NTSR1: variants seen among roughly 807,000 people sequenced by gnomAD.
The protein encoded by NTSR1 is neurotensin receptor 1, also known as neurotensin receptor type 1.
NTSR1 carries 29 observed loss-of-function variants against 31.2 expected under a neutral mutation model. The ratio of observed to expected loss-of-function variants is 0.93; its 90% CI spans 0.69 to 1.27. The LOEUF (loss-of-function observed/expected upper bound fraction) is 1.27. NTSR1 is among the 50% of genes most tolerant of loss of function. NTSR1 has a pLI of 0.00. For missense variants in NTSR1, 697 were observed against 595.4 expected (o/e 1.17, Z -1.78); for synonymous variants, 282 against 269.9 (o/e 1.04, Z -0.44).
rs1989456584 is a variant in NTSR1 at position 62,754,867 on chromosome 20, G to T, written c.897G>T (p.Arg299=). 6.2e-7 allele frequency: 1 copy of T among 1,602,590 alleles called. No homozygotes were observed. The highest frequency in any genetic ancestry group is 8.5e-7 in the Non-Finnish European group (1 of 1,178,296). Residue 299 remains arginine, a synonymous_variant, in exon 2 of 4, where the codon CGG becomes CGT. Transcript: ENST00000370501. ...AIEPGRVQAL[R]HGVRVLRAVV... is the part of the protein sequence containing the mutation. ...AGCCTGGCAGGGTCCAGGCCCTGCG[G>T]CACGGCGTGCGCGTCCTACGTACGT...
intron 1 of NTSR1, among the ~76,000 whole-genome samples, chr20:62,716,769 C>A (rs1024883300): frequency 6.6e-6 from 1 of 152,226 alleles, no homozygotes; most frequent in Admixed American, 6.5e-5. Flanking sequence ...CCCATCCCGG[C>A]AGCCCCTCGC....
chr20:62,713,067 G>A (rs976539215), intron 1 of NTSR1, among the ~76,000 whole-genome samples: 8 of 152,096 alleles, frequency 5.3e-5, no homozygotes, highest in African/African-American at 1.2e-4. Context: ...TTAGAGACCC[G>A]CCCCTGACTA....
chr20:62,760,417 C>T lies in NTSR1; in HGVS notation c.*150C>T. 1 of 757,448 alleles carries T rather than the reference C, an allele frequency of 1.3e-6. No individual in the cohort carries two copies. Among genetic ancestry groups the T allele is most frequent in the Non-Finnish European group, 2.1e-6 (1 of 485,512 alleles). The allele number at this position is 757,448 out of a possible 1,614,324, so 46.9% of individuals were successfully genotyped here. On this transcript the variant is annotated 3_prime_UTR_variant, in exon 4 of 4. Transcript: ENST00000370501. The stretch of plus-strand genomic sequence containing the variant: ...GAGGCCTGGGACCCCCCCCTCCCAC[C>T]CCCTAACCCATGTTTCTCATTAGTG...
intron 1 of NTSR1, among the ~76,000 whole-genome samples, chr20:62,747,557 T>C (rs1266804049): frequency 2.0e-5 from 3 of 151,140 alleles, no homozygotes; most frequent in Non-Finnish European, 4.4e-5. Context: ...AACACCACAC[T>C]CAGTGATAAG....
Position 62,709,723 on chromosome 20 carries a change from C to A in NTSR1, c.516C>A (p.His172Gln), listed in dbSNP as rs1384772521. 6.2e-7 allele frequency: 1 copy of A among 1,612,980 alleles called. No individual in the cohort carries two copies. Among genetic ancestry groups the A allele is most frequent in the Non-Finnish European group, 8.5e-7 (1 of 1,179,918 alleles). Residue 172 changes from histidine (H) to glutamine (Q), a missense_variant, in exon 1 of 4, where the codon CAC becomes CAA. Physicochemically the swap from His to Gln is conservative, Grantham distance 24 (BLOSUM62 0). Transcript: ENST00000370501. The stretch of plus-strand genomic sequence containing the variant: ...TGGAGCGCTACCTGGCCATCTGCCA[C>A]CCCTTCAAGGCCAAGACCCTCATGT... ...LSVERYLAIC[H>Q]PFKAKTLMSR...
chr20:62,712,125 A>T (rs1235436396), intron 1 of NTSR1, among the ~76,000 whole-genome samples: 1 of 152,160 alleles, frequency 6.6e-6, no homozygotes, highest in African/African-American at 2.4e-5. Flanking sequence ...TGAAAAGAAC[A>T]TTCCTCGTAG....
rs552862205 is a variant in NTSR1, at chr20:62,746,138, G to A, written c.715-8547G>A. Among the ~76,000 whole-genome samples the A allele has an allele frequency of 1.5e-3, 225 of 152,270 alleles. 2 individuals carry two copies. The South Asian group carries it at 0.033, about 22-fold the overall frequency. ...AGCCAGGGGGAAGGTCAAGGCTGCC[G>A]CCCGGCGGGTCACCACCAGGCCCCC... On this transcript the variant is annotated intron_variant, in intron 1 of 3. Coordinates refer to ENST00000370501, the MANE Select transcript of NTSR1 (RefSeq NM_002531.3).
Position 62,760,758 on chromosome 20 carries a change from G to GTGCAGACCCTGCCA in NTSR1, c.*501_*514dup, listed in dbSNP as rs1482727697. On this transcript the variant is annotated 3_prime_UTR_variant, in exon 4 of 4. Transcript: ENST00000370501. ...CAGGCTCCGTGGCTTTGGGCCTCAC[G>GTGCAGACCCTGCCA]TGCAGACCCTGCCATGCAGACCCAT... is the stretch of plus-strand genomic sequence containing the variant. 1 of 154,586 alleles carries GTGCAGACCCTGCCA rather than the reference G, an allele frequency of 6.5e-6. No individual in the cohort carries two copies. Among genetic ancestry groups the GTGCAGACCCTGCCA allele is most frequent in the Non-Finnish European group, 1.4e-5 (1 of 69,720 alleles). The allele number at this position is 154,586 out of a possible 1,614,324, so 9.6% of individuals were successfully genotyped here.
At chr20:62,737,660 C>G (rs1362572719) in intron 1 of NTSR1, among the ~76,000 whole-genome samples, 2 of 152,116 alleles carry the variant, frequency 1.3e-5, no homozygotes, top group Admixed American at 6.5e-5. Flanking sequence ...CCCACCTGCT[C>G]TCGTCCCCAC....
In NTSR1 at chr20:62,709,382, G is replaced by A. The variant is rs750075031; in HGVS notation, c.175G>A (p.Asp59Asn). ...APSSELDVNT[D>N]IYSKVLVTAV... ...CAGCAGCGAGCTGGACGTGAACACC[G>A]ACATCTACTCCAAGGTGCTGGTGAC... Residue 59 changes from aspartate (D) to asparagine (N), a missense_variant, in exon 1 of 4, where the codon GAC becomes AAC. Physicochemically the swap from Asp to Asn is conservative, Grantham distance 23. Coordinates refer to ENST00000370501, the MANE Select transcript of NTSR1 (RefSeq NM_002531.3). The A allele has an allele frequency of 2.5e-6, 4 of 1,608,926 alleles. No homozygotes were observed. The highest frequency in any genetic ancestry group is 3.3e-5 in the Admixed American group (2 of 59,894).
In NTSR1 at chr20:62,762,569, G is replaced by A. The variant is rs370576977; in HGVS notation, c.*2302G>A. ...ACCTGATCTCGTATCACTAGCTTGC[G>A]GCCAGGTCATGATGTGGCCCCGGAA... On this transcript the variant is annotated 3_prime_UTR_variant, in exon 4 of 4. Transcript: ENST00000370501. The A allele has an allele frequency of 3.9e-5, 6 of 152,090 alleles. No individual in the cohort carries two copies. Among genetic ancestry groups the A allele is most frequent in the East Asian group, 3.9e-4 (2 of 5,178 alleles). The allele number at this position is 152,090 out of a possible 1,614,324, so 9.4% of individuals were successfully genotyped here.
rs114087473 is a variant in NTSR1, at chr20:62,723,113, C to T, written c.714+13192C>T. 7.2e-3 allele frequency among the ~76,000 whole-genome samples: 1,096 copies of T among 152,312 alleles called. 10 individuals are homozygous for T. Among genetic ancestry groups the T allele is most frequent in the African/African-American group, 0.025 (1,050 of 41,566 alleles). The stretch of plus-strand genomic sequence containing the variant: ...ACTTACTGTAAATTTCAGTAACTCT[C>T]CTTTGACATATTTAAAGGTTAAGAG... On this transcript the variant is annotated intron_variant, in intron 1 of 3. Transcript: ENST00000370501.
intron 1 of NTSR1, among the ~76,000 whole-genome samples, chr20:62,749,449 A>C (rs553644072): frequency 6.6e-6 from 1 of 152,354 alleles, no homozygotes; most frequent in Admixed American, 6.5e-5. Context: ...AAAACATAGA[A>C]GAAAAGCTTC....
In NTSR1 at chr20:62,709,803, T is replaced by A. The variant is rs1988567588; in HGVS notation, c.596T>A (p.Leu199Gln). 6.2e-7 allele frequency: 1 copy of A among 1,612,790 alleles called. No individual in the cohort carries two copies. The highest frequency in any genetic ancestry group is 8.5e-7 in the Non-Finnish European group (1 of 1,179,896). The change falls in exon 1 of 4, where the codon CTG (leucine) becomes CAG (glutamine). Residue 199 changes from leucine to glutamine, a missense_variant. Coordinates refer to ENST00000370501, the MANE Select transcript of NTSR1 (RefSeq NM_002531.3). ...GCCATCTGGCTCGCCTCGGCCCTGC[T>A]GGCGGTGCCTATGCTGTTCACCATG... ...ISAIWLASAL[L>Q]AVPMLFTMGE... is the part of the protein sequence containing the mutation.
intron 1 of NTSR1, among the ~76,000 whole-genome samples, chr20:62,740,670 C>T (rs576934692): frequency 6.6e-6 from 1 of 152,364 alleles, no homozygotes; most frequent in South Asian, 2.1e-4. Context: ...ACCAGGGATC[C>T]TTCCCGCTCA....
intron 1 of NTSR1, among the ~76,000 whole-genome samples, chr20:62,754,416 G>A (rs1463832233): frequency 1.3e-5 from 2 of 152,172 alleles, no homozygotes; most frequent in African/African-American, 2.4e-5. Context: ...CGGGACCCTC[G>A]GGAGGGACTC....
chr20:62,750,800 A>C (rs1181881491), intron 1 of NTSR1, among the ~76,000 whole-genome samples: 1 of 152,030 alleles, frequency 6.6e-6, no homozygotes. Context: ...GAGGTGACGG[A>C]TGTTTCATTA....
rs1989609468 is a variant in NTSR1 at position 62,760,842 on chromosome 20, A to T, written c.*575A>T. 1 of 152,850 alleles carries T rather than the reference A, an allele frequency of 6.5e-6. No individual in the cohort carries two copies. The allele number at this position is 152,850 out of a possible 1,614,324, so 9.5% of individuals were successfully genotyped here. On this transcript the variant is annotated 3_prime_UTR_variant, in exon 4 of 4. Transcript: ENST00000370501. ...CCTGACTCGCCCCTTCAGGCCTGGC[A>T]AGCTGGGGGCCCATCGCCGTGGGGA...
intron 1 of NTSR1, among the ~76,000 whole-genome samples, chr20:62,740,181 C>T (rs1252546061): frequency 5.3e-5 from 8 of 152,248 alleles, no homozygotes; most frequent in Admixed American, 5.2e-4. Flanking sequence ...AGTGTGTTAG[C>T]TCCACTTCTG....
Sources: allele counts gnomAD v4.1 joint callset (sites outside exome capture counted in the v4.1 genomes callset), GRCh38; gene constraint gnomAD v4.1.1; transcripts MANE v1.5; gene names NCBI Gene and HGNC (gene_info 2026-07-23, HGNC 2026-07-21).